The following PDIA6 variants were observed in gnomAD, a reference collection of about 807,000 sequenced individuals.
PDIA6 encodes the protein protein disulfide-isomerase A6.
Under a neutral mutation model 58.4 loss-of-function variants are expected in PDIA6, and 29 were observed. The observed-to-expected ratio is 0.50, with a 90% CI of 0.37 to 0.68. PDIA6 has a LOEUF of 0.68. PDIA6 is among the 30% of genes least tolerant of loss of function. The probability of loss-of-function intolerance (pLI) is 0.00; values close to 1 mark genes in which losing one functional copy is unlikely to be tolerated. For synonymous variants in PDIA6, 192 were observed against 202.6 expected (o/e 0.95, Z 0.44); for missense variants, 480 against 551.0 (o/e 0.87, Z 1.29).
At chr2:10,815,483 T>C (rs1667163180), upstream of PDIA6, 1 of 152,126 alleles carries the variant, frequency 6.6e-6, no homozygotes, top group East Asian at 1.9e-4. Context: ...TTTTTGGGGG[T>C]GAGGGGGCTT....
Position 10,797,780 on chromosome 2 carries a change from A to C in PDIA6, c.162-23T>G, listed in dbSNP as rs1666331732. ...CACCTTTTGGGGGAAGACAACACAA[A>C]GCAACCATTAAAGCCTTTGATTCTC... On this transcript the variant is annotated intron_variant, in intron 2 of 12. Coordinates refer to ENST00000272227, the MANE Select transcript of PDIA6 (RefSeq NM_005742.4). The C allele has an allele frequency of 1.9e-6, 3 of 1,587,410 alleles. No individual in the cohort carries two copies. The East Asian group carries it at 6.7e-5, about 36-fold the overall frequency.
chr2:10,815,787 C>T (rs532105088), upstream of PDIA6, among the ~76,000 whole-genome samples: 3 of 152,256 alleles, frequency 2.0e-5, no homozygotes, highest in East Asian at 1.9e-4. Flanking sequence ...TCATGTGATC[C>T]GCCTGCCTCG....
intron 4 of PDIA6, 126 bp from the exon 5 acceptor site, chr2:10,793,328 G>A: frequency 1.6e-6 from 1 of 644,732 alleles, no homozygotes; most frequent in Non-Finnish European, 2.9e-6. Flanking sequence ...TCTGACACGT[G>A]TATCTCTGAC....
In PDIA6 at chr2:10,820,607, C is replaced by A. The variant is rs180786908; in HGVS notation, c.-47-1253G>T. On this transcript the variant is annotated intron_variant, in intron 1 of 13. Transcript: ENST00000381611. ...TAGTTTGATTTTTCAGGCTATTCTTCGTTAGGAAAAAAATAATTTCTTGAG... is the reference window on the plus strand; with the variant it reads ...TAGTTTGATTTTTCAGGCTATTCTTAGTTAGGAAAAAAATAATTTCTTGAG... Among the ~76,000 whole-genome samples, 313 of 152,250 alleles carry A rather than the reference C, an allele frequency of 2.1e-3. 5 individuals carry two copies. Among genetic ancestry groups the A allele is most frequent in the Admixed American group, 5.6e-3 (85 of 15,290 alleles).
Position 10,812,660 on chromosome 2 carries a change from C to T in PDIA6, c.19+18G>A. On this transcript the variant is annotated intron_variant, in intron 1 of 12. Coordinates refer to ENST00000272227, the MANE Select transcript of PDIA6 (RefSeq NM_005742.4). ...CCGACCCCAGCTCGCCCGCCTCCCT[C>T]CGCTGGCCCGCACCTACCGAGCACC... 1 of 1,529,576 alleles carries T rather than the reference C, an allele frequency of 6.5e-7. No individual in the cohort carries two copies. Among genetic ancestry groups the T allele is most frequent in the Non-Finnish European group, 8.8e-7 (1 of 1,139,598 alleles). 94.8% of individuals were successfully genotyped at this position (1,529,576 alleles called of 1,614,324 possible). A position where few individuals can be genotyped will look rare whatever the true frequency, so the allele number is the denominator to read the frequency against.
chr2:10,819,273 C>A lies in PDIA6; in HGVS notation c.34+1G>T, dbSNP rs1667313234. ...CTACTCTGGGAGTTTCCTCTACTTA[C>A]CGGGTGCATTAGCCATGGTGGTTGA... On this transcript the variant is annotated splice_donor_variant, in intron 2 of 13. Coordinates refer to the PDIA6 transcript ENST00000381611. LOFTEE classifies it high-confidence loss of function. 4 of 1,512,178 alleles carry A rather than the reference C, an allele frequency of 2.6e-6. No individual in the cohort carries two copies. In the South Asian group the frequency reaches 3.6e-5, roughly 14 times the overall value. The allele number at this position is 1,512,178 out of a possible 1,614,324, so 93.7% of individuals were successfully genotyped here. A position where few individuals can be genotyped will look rare whatever the true frequency, so the allele number is the denominator to read the frequency against.
chr2:10,810,075 G>T (rs768501325), intron 1 of PDIA6, among the ~76,000 whole-genome samples: 18 of 152,078 alleles, frequency 1.2e-4, no homozygotes, highest in Non-Finnish European at 2.2e-4. Context: ...CAGAAACTGG[G>T]GTCTTTATTT....
chr2:10,799,544 T>C (rs1380163028), intron 2 of PDIA6, among the ~76,000 whole-genome samples: 1 of 152,224 alleles, frequency 6.6e-6, no homozygotes, highest in Non-Finnish European at 1.5e-5. Context: ...GTAATTATTA[T>C]GTAACTGAGT....
At chr2:10,809,644 T>TCA (rs1666913120) in intron 1 of PDIA6, among the ~76,000 whole-genome samples, 1 of 2,944 alleles carries the variant, frequency 3.4e-4, no homozygotes, top group Non-Finnish European at 1.1e-3. Context: ...AGACCCGGTC[T>TCA]CAAAAAAAAA....
intron 11 of PDIA6, among the ~76,000 whole-genome samples, chr2:10,785,309 A>G (rs1665666583): frequency 6.6e-6 from 1 of 152,244 alleles, no homozygotes; most frequent in Admixed American, 6.5e-5. Context: ...ATTTGCTGAA[A>G]TACAAATTAA....
At chr2:10,788,148 G>A (rs1274303115) in intron 10 of PDIA6, among the ~76,000 whole-genome samples, 1 of 151,770 alleles carries the variant, frequency 6.6e-6, no homozygotes. Flanking sequence ...CTCAGAAGAG[G>A]AGAAGGAAAC....
intron 8 of PDIA6, 145 bp from the exon 9 acceptor site, chr2:10,789,126 G>A (rs762871009): frequency 7.6e-6 from 5 of 656,690 alleles, no homozygotes; most frequent in Non-Finnish European, 1.4e-5. Context: ...ACACCTGGAG[G>A]CATGTTCTCT....
intron 2 of PDIA6, among the ~76,000 whole-genome samples, chr2:10,799,149 C>G (rs149639498): frequency 6.6e-6 from 1 of 152,164 alleles, no homozygotes; most frequent in African/African-American, 2.4e-5. Context: ...ATTACATGTG[C>G]GTAAACCTAT....
intron 2 of PDIA6, among the ~76,000 whole-genome samples, chr2:10,799,998 A>G (rs541824319): frequency 6.6e-6 from 1 of 152,322 alleles, no homozygotes; most frequent in African/African-American, 2.4e-5. Context: ...TTGGATGAAA[A>G]AAAAGTCTTT....
At chr2:10,800,457 T>C (rs535728809) in intron 2 of PDIA6, among the ~76,000 whole-genome samples, 11 of 152,340 alleles carry the variant, frequency 7.2e-5, no homozygotes, top group African/African-American at 2.6e-4. Flanking sequence ...AACCTGTACT[T>C]ACTGTTCTTG....
At chr2:10,805,870 T>C (rs1292977728) in intron 1 of PDIA6, among the ~76,000 whole-genome samples, 3 of 73,892 alleles carry the variant, frequency 4.1e-5, no homozygotes, top group African/African-American at 1.3e-4. Context: ...TGAGATCACA[T>C]GGACACAGGA....
intron 1 of PDIA6, chr2:10,810,221 T>C (rs554304615): frequency 7.8e-7 from 1 of 1,289,258 alleles, no homozygotes; most frequent in South Asian, 1.3e-5. Context: ...CAGGAAACTT[T>C]AACACAGAAA....
upstream of PDIA6, among the ~76,000 whole-genome samples, chr2:10,835,245 C>T (rs983021824): frequency 1.3e-5 from 2 of 152,162 alleles, no homozygotes; most frequent in South Asian, 4.1e-4. Flanking sequence ...AGTGCTGTTT[C>T]CATCCCAGGC....
At chr2:10,820,097 C>T (rs1474863729) in intron 1 of PDIA6, among the ~76,000 whole-genome samples, 5 of 152,154 alleles carry the variant, frequency 3.3e-5, no homozygotes, top group African/African-American at 1.2e-4. Flanking sequence ...TGGGGTAATA[C>T]CTGTGGTTCG....
Sources: allele counts gnomAD v4.1 joint callset (sites outside exome capture counted in the v4.1 genomes callset), GRCh38; gene constraint gnomAD v4.1.1; transcripts MANE v1.5; gene names NCBI Gene and HGNC (gene_info 2026-07-23, HGNC 2026-07-21).